Variants in FOXP4 observed in about 807,000 individuals in gnomAD.
The protein encoded by FOXP4 is forkhead box protein P4.
In FOXP4, 25 loss-of-function variants were observed where a neutral mutation model predicts 82.6. The observed-to-expected ratio is 0.30, with a 90% CI of 0.22 to 0.42. The LOEUF is 0.42. Among genes scored for constraint, FOXP4 ranks in the 10% least tolerant of loss-of-function variants. The pLI is 1.00. For synonymous variants in FOXP4, 415 were observed against 388.2 expected (o/e 1.07, Z -0.81); for missense variants, 785 against 900.9 (o/e 0.87, Z 1.65).
At chr6:41,546,931 T>C (rs1763659497) in intron 1 of FOXP4, 64 bp downstream of exon 1, 1 of 150,706 alleles carries the variant, frequency 6.6e-6, no homozygotes, top group South Asian at 2.1e-4. Flanking sequence ...ACCAACTCCC[T>C]CGCTCGCGCA....
Position 41,591,479 on chromosome 6 carries a change from C to T in FOXP4, c.1536+157C>T, listed in dbSNP as rs1046276268. On this transcript the variant is annotated intron_variant, in intron 13 of 16. Transcript: ENST00000307972. The surrounding 1 kb of genome is among the most constrained non-coding windows in gnomAD (Gnocchi z 4.2). Reference sequence around the variant, plus strand: ...GCCAGGGCTGCATGCCCACGCCCACCTCAGCAGGGGCTGTGGATTGTTCCA... The same window carrying T: ...GCCAGGGCTGCATGCCCACGCCCACTTCAGCAGGGGCTGTGGATTGTTCCA... Among the ~76,000 whole-genome samples the T allele has an allele frequency of 6.6e-6, 1 of 152,212 alleles. No individual in the cohort carries two copies. The highest frequency in any genetic ancestry group is 1.5e-5 in the Non-Finnish European group (1 of 68,030).
At position 41,588,433 on chromosome 6, in the gene FOXP4, G is replaced by C. The variant is rs540689950; in HGVS notation, c.978-211G>C. On this transcript the variant is annotated intron_variant, in intron 8 of 16. Coordinates refer to ENST00000307972, the MANE Select transcript of FOXP4 (RefSeq NM_001012426.2). ...AGTTCATTTGCAATTAGATCTCTCT[G>C]TAGCTGGGATTTTAGCAAAGACATC... 2.6e-5 allele frequency among the ~76,000 whole-genome samples: 4 copies of C among 152,376 alleles called. No homozygotes were observed. The South Asian group carries it at 6.2e-4, about 24-fold the overall frequency.
intron 3 of FOXP4, among the ~76,000 whole-genome samples, chr6:41,579,873 C>T (rs1183707186): frequency 6.6e-6 from 1 of 152,090 alleles, no homozygotes; most frequent in Non-Finnish European, 1.5e-5. Context: ...AGACACTAAG[C>T]GCTTTACAGC....
At chr6:41,573,401 A>T (rs985576578) in intron 2 of FOXP4, among the ~76,000 whole-genome samples, 1 of 151,714 alleles carries the variant, frequency 6.6e-6, no homozygotes, top group African/African-American at 2.4e-5. Flanking sequence ...CACCATCCCA[A>T]CCGCCCTCCC....
chr6:41,589,994 C>T lies in FOXP4; in HGVS notation c.1181C>T (p.Ser394Phe). The T allele has an allele frequency of 6.2e-7, 1 of 1,614,006 alleles. No homozygotes were observed. Among genetic ancestry groups the T allele is most frequent in the Non-Finnish European group, 8.5e-7 (1 of 1,179,988 alleles). ...LNPVPGSSSFSKVTVSAADSF... is the reference protein window; with the variant it reads ...LNPVPGSSSFFKVTVSAADSF... ...CCGGTCCCCGGCTCCTCCTCATTCT[C>T]CAAGGTGACCGTCTCTGCAGCAGAC... Residue 394 changes from serine to phenylalanine, a missense_variant, in exon 11 of 17, where the codon TCC becomes TTC. This residue lies in a region of FOXP4 where 570 missense variants were observed against 634.0 expected (regional missense o/e 0.90). Coordinates refer to ENST00000307972, the MANE Select transcript of FOXP4 (RefSeq NM_001012426.2).
intron 14 of FOXP4, among the ~76,000 whole-genome samples, 177 bp downstream of exon 14, chr6:41,595,168 G>A (rs976455044): frequency 3.9e-5 from 6 of 152,212 alleles, no homozygotes; most frequent in Non-Finnish European, 8.8e-5. Context: ...GCTGGAATCC[G>A]GAAGTGATGG....
intron 9 of FOXP4, among the ~76,000 whole-genome samples, chr6:41,589,516 G>A (rs781357318): frequency 9.9e-5 from 15 of 152,196 alleles, no homozygotes; most frequent in Non-Finnish European, 1.5e-4. Context: ...CAGCCAGGAC[G>A]CACTGGGAGG....
intron 1 of FOXP4, among the ~76,000 whole-genome samples, chr6:41,559,327 A>C (rs1441080620): frequency 6.6e-6 from 1 of 152,242 alleles, no homozygotes; most frequent in Non-Finnish European, 1.5e-5. Context: ...GTCTGCATAC[A>C]CAGAGCCTGG....
intron 2 of FOXP4, among the ~76,000 whole-genome samples, chr6:41,575,456 G>A (rs1765426911): frequency 6.6e-6 from 1 of 152,090 alleles, no homozygotes; most frequent in Non-Finnish European, 1.5e-5. Context: ...GGGAAGCTGA[G>A]GGAGGGGAGC....
intron 1 of FOXP4, among the ~76,000 whole-genome samples, chr6:41,549,839 C>T (rs930770680): frequency 1.1e-4 from 17 of 152,104 alleles, no homozygotes; most frequent in Non-Finnish European, 1.8e-4. Flanking sequence ...GCCTTCCCTG[C>T]ATCTTAACCC....
intron 13 of FOXP4, among the ~76,000 whole-genome samples, chr6:41,594,295 G>A (rs1766694809): frequency 6.6e-6 from 1 of 152,174 alleles, no homozygotes; most frequent in Admixed American, 6.5e-5. Context: ...GGCCTTTACT[G>A]TATACCTTGT....
chr6:41,549,375 C>T (rs1763866874), intron 1 of FOXP4, among the ~76,000 whole-genome samples: 1 of 152,178 alleles, frequency 6.6e-6, no homozygotes, highest in African/African-American at 2.4e-5. Flanking sequence ...GGACCTGCTC[C>T]TGTCCCTTTC....
rs755816968 is a variant in FOXP4, at chr6:41,558,813, G to C, written c.-16-6932G>C. On this transcript the variant is annotated intron_variant, in intron 1 of 16. Transcript: ENST00000307972. This position sits in a 1 kb window ranked among gnomAD's most constrained non-coding sequence, Gnocchi z 4.0. ...ATCCTGCAGTTACTTGTAGGGCCAG[G>C]GCTCGTTGCTCTGAAAAGCCCTCTG... Among the ~76,000 whole-genome samples, 2 of 152,150 alleles carry C rather than the reference G, an allele frequency of 1.3e-5. No homozygotes were observed. The highest frequency in any genetic ancestry group is 2.9e-5 in the Non-Finnish European group (2 of 68,042).
Position 41,591,393 on chromosome 6 carries a change from G to A in FOXP4, c.1536+71G>A. On this transcript the variant is annotated intron_variant, in intron 13 of 16. Coordinates refer to ENST00000307972, the MANE Select transcript of FOXP4 (RefSeq NM_001012426.2). The surrounding 1 kb of genome is among the most constrained non-coding windows in gnomAD (Gnocchi z 4.2). ...CCTGCCATATCCCATGGAGACCAAGGCTGCCTAACAATTAGTTCCCTAAAC... is the reference window on the plus strand; with the variant it reads ...CCTGCCATATCCCATGGAGACCAAGACTGCCTAACAATTAGTTCCCTAAAC... 7.6e-7 allele frequency: 1 copy of A among 1,319,814 alleles called. No homozygotes were observed. The highest frequency in any genetic ancestry group is 1.1e-6 in the Non-Finnish European group (1 of 942,126). 81.8% of individuals were successfully genotyped at this position (1,319,814 alleles called of 1,614,324 possible).
chr6:41,556,712 C>G (rs1764300010), intron 1 of FOXP4, among the ~76,000 whole-genome samples: 1 of 152,202 alleles, frequency 6.6e-6, no homozygotes. Flanking sequence ...CCACCTCCTA[C>G]AGAAAGCCTT....
chr6:41,589,736 C>G, intron 9 of FOXP4, 35 bp from the exon 10 acceptor site: 3 of 1,602,818 alleles, frequency 1.9e-6, no homozygotes, highest in Non-Finnish European at 2.6e-6. Flanking sequence ...AGGGTTCAGC[C>G]TCCCGCTCAC....
chr6:41,595,055 C>A (rs11964100), intron 14 of FOXP4, 64 bp downstream of exon 14: 2 of 1,604,308 alleles, frequency 1.2e-6, no homozygotes, highest in South Asian at 2.2e-5. Flanking sequence ...CTCACCCCCA[C>A]CCCCTACCTC....
rs1163909348 is a variant in FOXP4 at position 41,565,945 on chromosome 6, T to G, written c.185T>G (p.Leu62Arg). 6.2e-7 allele frequency: 1 copy of G among 1,613,544 alleles called. No individual in the cohort carries two copies. Among genetic ancestry groups the G allele is most frequent in the East Asian group, 2.2e-5 (1 of 44,870 alleles). ...SNGEMSPAELLHFQQQQALQV... is the reference protein window; with the variant it reads ...SNGEMSPAELRHFQQQQALQV... ...GGTGAGATGAGTCCCGCAGAGCTGC[T>G]GCACTTCCAGCAGCAACAGGTAGGA... Residue 62 changes from leucine (L) to arginine (R), a missense_variant, in exon 2 of 17, where the codon CTG (leucine) becomes CGG (arginine). This residue lies in a region of FOXP4 where 570 missense variants were observed against 634.0 expected (regional missense o/e 0.90). Coordinates refer to ENST00000307972, the MANE Select transcript of FOXP4 (RefSeq NM_001012426.2).
In FOXP4 at chr6:41,591,131, C is replaced by T; in HGVS notation, c.1435-90C>T. Reference sequence around the variant, plus strand: ...CTCACAAAGTGAACTCGGGGCTAGGCAGAAGGGAGAGGTACTGGGGGAGGG... The same window carrying T: ...CTCACAAAGTGAACTCGGGGCTAGGTAGAAGGGAGAGGTACTGGGGGAGGG... On this transcript the variant is annotated intron_variant, in intron 12 of 16. Transcript: ENST00000307972. This position sits in a 1 kb window ranked among gnomAD's most constrained non-coding sequence, Gnocchi z 4.2. 1 of 1,021,810 alleles carries T rather than the reference C, an allele frequency of 9.8e-7. No individual in the cohort carries two copies. 63.3% of individuals were successfully genotyped at this position (1,021,810 alleles called of 1,614,324 possible).
Sources: allele counts gnomAD v4.1 joint callset (sites outside exome capture counted in the v4.1 genomes callset), GRCh38; gene constraint gnomAD v4.1.1; regional missense constraint gnomAD v4.1.1; non-coding constraint Gnocchi (gnomAD v3.1); transcripts MANE v1.5; gene names NCBI Gene and HGNC (gene_info 2026-07-23, HGNC 2026-07-21).